The following FSTL4 variants were observed in gnomAD, a reference collection of about 807,000 sequenced individuals.
The protein encoded by FSTL4 is follistatin-related protein 4.
A neutral mutation model predicts 78.2 loss-of-function variants in FSTL4; 28 were observed. The ratio of observed to expected loss-of-function variants is 0.36; its 90% CI spans 0.27 to 0.49. The LOEUF is 0.49. FSTL4 is among the 20% of genes least tolerant of loss of function. The pLI, the probability that FSTL4 is intolerant of heterozygous loss-of-function variation, is 0.98. For missense variants in FSTL4, 922 were observed against 1,084.9 expected, an observed-to-expected ratio of 0.85 and a Z score of 2.11; for synonymous variants, 422 against 440.5, an observed-to-expected ratio of 0.96 and a Z score of 0.53.
chr5:133,839,353 C>T, the FSTL4 span, among the ~76,000 whole-genome samples: 7 of 152,180 alleles, frequency 4.6e-5, no homozygotes, highest in East Asian at 3.8e-4. Flanking sequence ...TCTGTAAAAA[C>T]GCTGTTTGTA....
chr5:133,411,078 T>C (rs1006236791), intron 3 of FSTL4, among the ~76,000 whole-genome samples: 5 of 152,114 alleles, frequency 3.3e-5, no homozygotes, highest in African/African-American at 1.2e-4. Flanking sequence ...GGGTCTCCAC[T>C]GGGGCCTGAC....
intron 3 of FSTL4, among the ~76,000 whole-genome samples, chr5:133,411,381 C>T (rs1387231726): frequency 6.6e-6 from 1 of 152,070 alleles, no homozygotes; most frequent in Non-Finnish European, 1.5e-5. Flanking sequence ...ACAAGAAAAT[C>T]AGGAGAATTT....
intron 4 of FSTL4, among the ~76,000 whole-genome samples, chr5:133,399,700 T>C (rs1245681413): frequency 6.6e-6 from 1 of 152,222 alleles, no homozygotes; most frequent in Non-Finnish European, 1.5e-5. Context: ...CGCCTTTGTC[T>C]TCTAGTGTTG....
At chr5:133,279,598 G>A (rs562468145) in intron 6 of FSTL4, among the ~76,000 whole-genome samples, 1 of 152,210 alleles carries the variant, frequency 6.6e-6, no homozygotes, top group Admixed American at 6.5e-5. Context: ...CACGGGGAGG[G>A]TGGAAGCCAC....
Position 133,567,237 on chromosome 5 carries a change from C to CT in FSTL4, c.127-19dup. 6.3e-7 allele frequency: 1 copy of CT among 1,596,386 alleles called. No homozygotes were observed. Among genetic ancestry groups the CT allele is most frequent in the Non-Finnish European group, 8.6e-7 (1 of 1,164,010 alleles). ...CTGGGCTCCTGCAAGAAAAGAAAGACTTTGTGTTTTCTGAAGAATAATTCA... is the reference window on the plus strand; with the variant it reads ...CTGGGCTCCTGCAAGAAAAGAAAGACTTTTGTGTTTTCTGAAGAATAATTCA... On this transcript the variant is annotated intron_variant, in intron 2 of 15. Transcript: ENST00000265342.
In FSTL4 at chr5:133,570,648, ACTT is replaced by A. The variant is rs545424505; in HGVS notation, c.127-3432_127-3430del. Among the ~76,000 whole-genome samples, 187 of 152,292 alleles carry A rather than the reference ACTT, an allele frequency of 1.2e-3. 2 individuals are homozygous for A. In the South Asian group the frequency reaches 0.018, roughly 15 times the overall value. ...ACATTGTGAAAATTTTATGAGATAA[ACTT>A]CTTCTTTGTGCCATAAAAAAGTAGC... On this transcript the variant is annotated intron_variant, in intron 2 of 15. Coordinates refer to ENST00000265342, the MANE Select transcript of FSTL4 (RefSeq NM_015082.2).
the FSTL4 span, among the ~76,000 whole-genome samples, chr5:133,705,667 A>T: frequency 6.6e-6 from 1 of 152,260 alleles, no homozygotes; most frequent in Admixed American, 6.5e-5. Context: ...GGGGCATGGG[A>T]CTTGGCAACA....
At chr5:133,645,611 GC>G in the FSTL4 span, among the ~76,000 whole-genome samples, 13 of 152,132 alleles carry the variant, frequency 8.5e-5, no homozygotes, top group African/African-American at 2.9e-4. Context: ...ACCTGGGGAT[GC>G]TGCTTTTATG....
At chr5:133,780,515 C>T in the FSTL4 span, among the ~76,000 whole-genome samples, 1 of 152,094 alleles carries the variant, frequency 6.6e-6, no homozygotes, top group Non-Finnish European at 1.5e-5. Flanking sequence ...GGGTCTCCCA[C>T]TGGACTGGAA....
intron 4 of FSTL4, among the ~76,000 whole-genome samples, chr5:133,398,282 A>G (rs1485011744): frequency 6.6e-6 from 1 of 152,034 alleles, no homozygotes; most frequent in Non-Finnish European, 1.5e-5. Flanking sequence ...CTGCCCTCCC[A>G]CCAGGACTAC....
the FSTL4 span, among the ~76,000 whole-genome samples, chr5:133,718,099 G>GT: frequency 0.068 from 9,988 of 145,946 alleles, 338 homozygotes; most frequent in Non-Finnish European, 0.073. Context: ...TTGGTTTTTG[G>GT]TTTTTTTTTT....
intron 4 of FSTL4, among the ~76,000 whole-genome samples, chr5:133,345,223 T>C (rs1754671286): frequency 6.6e-6 from 1 of 152,218 alleles, no homozygotes; most frequent in Non-Finnish European, 1.5e-5. Flanking sequence ...CCCTTAGAAA[T>C]GTGAAGGCAA....
chr5:133,517,166 T>C (rs1758869387), intron 3 of FSTL4, among the ~76,000 whole-genome samples: 1 of 151,600 alleles, frequency 6.6e-6, no homozygotes, highest in African/African-American at 2.4e-5. Flanking sequence ...CACATGTCTG[T>C]AATCCCAGCA....
the FSTL4 span, among the ~76,000 whole-genome samples, chr5:133,716,559 A>C: frequency 6.6e-6 from 1 of 152,114 alleles, no homozygotes; most frequent in African/African-American, 2.4e-5. Context: ...TTCTGTGTAA[A>C]AGATATTAAC....
intron 4 of FSTL4, among the ~76,000 whole-genome samples, chr5:133,390,812 T>C (rs944126831): frequency 3.3e-5 from 5 of 152,148 alleles, no homozygotes; most frequent in Non-Finnish European, 5.9e-5. Flanking sequence ...TGGCAAGTGC[T>C]CCTCCCTCTC....
At chr5:133,671,454 A>C in the FSTL4 span, among the ~76,000 whole-genome samples, 1 of 152,322 alleles carries the variant, frequency 6.6e-6, no homozygotes, top group South Asian at 2.1e-4. Flanking sequence ...AGCAAGTTTC[A>C]TGGGTATATA....
At chr5:133,696,162 G>C in the FSTL4 span, among the ~76,000 whole-genome samples, 5 of 152,296 alleles carry the variant, frequency 3.3e-5, no homozygotes, top group South Asian at 1.0e-3. Context: ...CAGGGAGAAC[G>C]CAGGGCTGCC....
the FSTL4 span, among the ~76,000 whole-genome samples, chr5:133,825,094 A>G: frequency 6.6e-6 from 1 of 152,150 alleles, no homozygotes; most frequent in African/African-American, 2.4e-5. Flanking sequence ...CTTCACAGAG[A>G]CACTGAGGTC....
the FSTL4 span, among the ~76,000 whole-genome samples, chr5:133,757,781 T>C: frequency 1.3e-5 from 2 of 152,190 alleles, no homozygotes; most frequent in Non-Finnish European, 1.5e-5. Flanking sequence ...TTGCATGATT[T>C]CCACATAAAT....
Sources: gnomAD v4.1 joint callset for allele counts (sites outside exome capture counted in the v4.1 genomes callset) on GRCh38, gnomAD v4.1.1 for gene constraint, MANE v1.5 for transcripts, NCBI Gene and HGNC (gene_info 2026-07-23, HGNC 2026-07-21) for gene names.